Variants in GRAMD1B observed in about 807,000 individuals in gnomAD.
The protein encoded by GRAMD1B is GRAM domain containing 1B, also known as protein Aster-B.
GRAMD1B carries 37 observed loss-of-function variants against 99.7 expected under a neutral mutation model. That is an observed-to-expected ratio of 0.37 (90% CI 0.29 to 0.49). The LOEUF (loss-of-function observed/expected upper bound fraction) is 0.49. Ranked by LOEUF, GRAMD1B falls within the 20% of genes least tolerant of loss-of-function variation. GRAMD1B has a pLI of 0.98. For missense variants in GRAMD1B, 888 were observed against 1,009.2 expected, an observed-to-expected ratio of 0.88 and a Z score of 1.63; for synonymous variants, 427 against 387.6, an observed-to-expected ratio of 1.10 and a Z score of -1.19.
chr11:123,440,557 A>C (rs1949360418), intron 1 of GRAMD1B, among the ~76,000 whole-genome samples: 1 of 152,198 alleles, frequency 6.6e-6, no homozygotes, highest in African/African-American at 2.4e-5. Context: ...TAGCTAGTTA[A>C]TTGTAAAGTT....
intron 1 of GRAMD1B, among the ~76,000 whole-genome samples, chr11:123,439,729 G>A (rs943366673): frequency 6.6e-6 from 1 of 152,082 alleles, no homozygotes; most frequent in Non-Finnish European, 1.5e-5. Context: ...CTGAAATCTC[G>A]ACCAGTTTCT....
chr11:123,399,786 A>G (rs1326482931), intron 1 of GRAMD1B, among the ~76,000 whole-genome samples: 2 of 152,038 alleles, frequency 1.3e-5, no homozygotes, highest in Non-Finnish European at 2.9e-5. Flanking sequence ...CGTCTGGCTA[A>G]TTTTTGTATT....
intron 2 of GRAMD1B, among the ~76,000 whole-genome samples, chr11:123,530,812 G>A (rs543293592): frequency 4.6e-5 from 7 of 152,286 alleles, no homozygotes; most frequent in African/African-American, 1.7e-4. Context: ...TGAAGGTTGG[G>A]GTCACTTCAT....
intron 1 of GRAMD1B, among the ~76,000 whole-genome samples, chr11:123,382,218 T>C (rs1166274729): frequency 1.3e-5 from 2 of 152,150 alleles, no homozygotes; most frequent in African/African-American, 4.8e-5. Context: ...TTAAATTAGG[T>C]TCCTAATCAC....
intron 1 of GRAMD1B, among the ~76,000 whole-genome samples, chr11:123,452,266 G>A (rs1157699112): frequency 1.3e-5 from 2 of 152,214 alleles, no homozygotes; most frequent in African/African-American, 2.4e-5. Context: ...TGTGACAAGT[G>A]CATCTAAGAA....
At chr11:123,560,509 C>T in intron 2 of GRAMD1B, 1 of 1,258,320 alleles carries the variant, frequency 7.9e-7, no homozygotes, top group South Asian at 1.3e-5. Flanking sequence ...AGAAACAGGG[C>T]TTTGGGATGG....
intron 2 of GRAMD1B, among the ~76,000 whole-genome samples, chr11:123,501,900 G>A (rs1215400758): frequency 6.6e-6 from 1 of 152,198 alleles, no homozygotes; most frequent in African/African-American, 2.4e-5. Context: ...TCTTTCTGAT[G>A]CTTTCTTTAG....
intron 2 of GRAMD1B, among the ~76,000 whole-genome samples, chr11:123,504,378 G>A (rs1418074721): frequency 6.6e-6 from 1 of 152,116 alleles, no homozygotes; most frequent in Non-Finnish European, 1.5e-5. Context: ...TGCAGTACTA[G>A]AGATGACTGA....
chr11:123,422,061 C>T (rs1269521703), intron 1 of GRAMD1B, among the ~76,000 whole-genome samples: 1 of 152,136 alleles, frequency 6.6e-6, no homozygotes, highest in Non-Finnish European at 1.5e-5. Context: ...CATAACTCAT[C>T]CCTAAATCTC....
rs538731429 is a variant in GRAMD1B at position 123,394,306 on chromosome 11, G to A, written c.-176+35507G>A. 3.9e-5 allele frequency among the ~76,000 whole-genome samples: 6 copies of A among 152,302 alleles called. No homozygotes were observed. The South Asian group carries it at 8.3e-4, about 21-fold the overall frequency. On this transcript the variant is annotated intron_variant, in intron 1 of 20. Transcript: ENST00000638157. Reference sequence around the variant, plus strand: ...TTTTCTCTCTTACTATCAGCATTGAGATTCCTTCTGCTCTATCCAATGATA... The same window carrying A: ...TTTTCTCTCTTACTATCAGCATTGAAATTCCTTCTGCTCTATCCAATGATA...
intron 4 of GRAMD1B, among the ~76,000 whole-genome samples, chr11:123,588,497 T>C (rs80166579): frequency 0.029 from 4,380 of 152,262 alleles, 100 homozygotes; most frequent in African/African-American, 0.067. Flanking sequence ...TCAAATGTTT[T>C]TGGGTAGTTA....
intron 1 of GRAMD1B, among the ~76,000 whole-genome samples, chr11:123,402,002 C>G (rs1439837374): frequency 6.6e-6 from 1 of 152,194 alleles, no homozygotes; most frequent in Non-Finnish European, 1.5e-5. Flanking sequence ...GCTTGTGAAG[C>G]TACCCGCTCT....
chr11:123,361,457 G>A (rs1274687328), intron 1 of GRAMD1B, among the ~76,000 whole-genome samples: 5 of 152,180 alleles, frequency 3.3e-5, no homozygotes, highest in Admixed American at 2.0e-4. Context: ...TTCTCCTGGG[G>A]TGTCTGCTGC....
At chr11:123,528,489 A>G (rs1290356147) in intron 2 of GRAMD1B, among the ~76,000 whole-genome samples, 4 of 152,162 alleles carry the variant, frequency 2.6e-5, no homozygotes, top group African/African-American at 9.7e-5. Context: ...TCACAGTGTT[A>G]TGATAAGAAT....
At chr11:123,489,017 A>G (rs1458082429) in intron 2 of GRAMD1B, among the ~76,000 whole-genome samples, 1 of 152,036 alleles carries the variant, frequency 6.6e-6, no homozygotes, top group African/African-American at 2.4e-5. Flanking sequence ...GAGGAATGGT[A>G]TCCACCTGGG....
intron 1 of GRAMD1B, among the ~76,000 whole-genome samples, chr11:123,369,817 A>T (rs1053914633): frequency 6.6e-6 from 1 of 151,888 alleles, no homozygotes; most frequent in African/African-American, 2.4e-5. Context: ...GGTTGCAATG[A>T]ACCGAGTTCC....
At chr11:123,400,523 C>A (rs1487343759) in intron 1 of GRAMD1B, among the ~76,000 whole-genome samples, 5 of 152,094 alleles carry the variant, frequency 3.3e-5, no homozygotes, top group African/African-American at 4.8e-5. Flanking sequence ...TCTCATAGTC[C>A]TGAAGGCTGG....
At chr11:123,537,572 G>C (rs1164454278) in intron 2 of GRAMD1B, among the ~76,000 whole-genome samples, 1 of 152,102 alleles carries the variant, frequency 6.6e-6, no homozygotes, top group Non-Finnish European at 1.5e-5. Flanking sequence ...ACCTTTTTAT[G>C]CGTTTATCTT....
At chr11:123,553,478 G>A (rs1565364522) in intron 2 of GRAMD1B, among the ~76,000 whole-genome samples, 1 of 152,228 alleles carries the variant, frequency 6.6e-6, no homozygotes, top group Non-Finnish European at 1.5e-5. Context: ...CTACCTGATT[G>A]AATGGCAATG....
Sources: allele counts gnomAD v4.1 joint callset (sites outside exome capture counted in the v4.1 genomes callset), GRCh38; gene constraint gnomAD v4.1.1; transcripts MANE v1.5; gene names NCBI Gene and HGNC (gene_info 2026-07-23, HGNC 2026-07-21).